NLRC5: variants seen among roughly 807,000 people sequenced by gnomAD.
NLRC5 encodes the protein NLR family CARD domain containing 5.
In NLRC5, 114 loss-of-function variants were observed where a neutral mutation model predicts 206.9. The observed-to-expected ratio is 0.55, with a 90% CI of 0.47 to 0.64. NLRC5 has a LOEUF of 0.64. NLRC5 is among the 30% of genes least tolerant of loss of function. The probability of loss-of-function intolerance (pLI) is 0.00; values close to 1 mark genes in which losing one functional copy is unlikely to be tolerated. For missense variants in NLRC5, 2,008 were observed against 2,305.5 expected (o/e 0.87, Z 2.64); for synonymous variants, 952 against 962.8 (o/e 0.99, Z 0.21).
At chr16:57,000,565 C>T (rs564911191) in intron 1 of NLRC5, among the ~76,000 whole-genome samples, 21 of 152,218 alleles carry the variant, frequency 1.4e-4, no homozygotes, top group African/African-American at 4.8e-4. Context: ...CAACTCCTGG[C>T]TCCTCGACTC....
Position 57,045,458 on chromosome 16 carries a change from C to T in NLRC5, c.3214C>T (p.Gln1072Ter). The change falls in exon 21 of 49, where the codon CAA becomes TAA. Residue 1072 changes from glutamine to a stop codon, truncating the protein, a stop_gained. Transcript: ENST00000688547. LOFTEE classifies it high-confidence loss of function. ...LFRLDISFESQHILLRGDKTS... is the reference protein window; with the variant it reads ...LFRLDISFES ...CCTCTCTGCTTCCAGCTTTGAAAGCCAACACATCCTCCTGAGAGGGGACAA... is the reference window on the plus strand; with the variant it reads ...CCTCTCTGCTTCCAGCTTTGAAAGCTAACACATCCTCCTGAGAGGGGACAA... 6.2e-7 allele frequency: 1 copy of T among 1,614,116 alleles called. No individual in the cohort carries two copies. Among genetic ancestry groups the T allele is most frequent in the Non-Finnish European group, 8.5e-7 (1 of 1,180,018 alleles).
Position 57,026,724 on chromosome 16 carries a change from C to T in NLRC5, c.1781C>T (p.Ala594Val). 6.2e-7 allele frequency: 1 copy of T among 1,614,050 alleles called. No homozygotes were observed. The highest frequency in any genetic ancestry group is 8.5e-7 in the Non-Finnish European group (1 of 1,179,916). The change falls in exon 6 of 49, where the codon GCT (alanine) becomes GTT (valine). Residue 594 changes from alanine to valine, a missense_variant. Coordinates refer to ENST00000688547, the MANE Select transcript of NLRC5 (RefSeq NM_001384950.1). Reference sequence around the variant, plus strand: ...GACTGTGTGGGTGCCAAGCAGGCTGCTGTAGTGCAGGTGTTGAAGAAGTTG... The same window carrying T: ...GACTGTGTGGGTGCCAAGCAGGCTGTTGTAGTGCAGGTGTTGAAGAAGTTG... Reference protein sequence around the residue: ...NEDCVGAKQAAVVQVLKKLAT... With the variant: ...NEDCVGAKQAVVVQVLKKLAT...
Position 57,061,357 on chromosome 16 carries a change from C to G in NLRC5, c.3987-91C>G, listed in dbSNP as rs535733810. 407 of 1,289,298 alleles carry G rather than the reference C, an allele frequency of 3.2e-4. 1 individual carries two copies. Among genetic ancestry groups the G allele is most frequent in the Non-Finnish European group, 3.6e-5 (33 of 919,802 alleles). 79.9% of individuals were successfully genotyped at this position (1,289,298 alleles called of 1,614,324 possible). On this transcript the variant is annotated intron_variant, in intron 30 of 48. Transcript: ENST00000688547. ...CCTTTGCCCTCAGAGGTGGGATGCT[C>G]CCCCAATAGGCCCTCAGGGAGGCTG...
chr16:56,992,976 C>T (rs1262725898), intron 1 of NLRC5, among the ~76,000 whole-genome samples: 1 of 150,860 alleles, frequency 6.6e-6, no homozygotes, highest in African/African-American at 2.4e-5. Context: ...AAATAAGTCT[C>T]CTTCCATCTC....
intron 1 of NLRC5, chr16:57,013,185 G>A (rs553624898): frequency 2.8e-5 from 11 of 394,200 alleles, no homozygotes; most frequent in South Asian, 2.7e-4. Context: ...CAAAGGGATT[G>A]ACTTCTAACT....
chr16:57,056,670 T>C (rs72775169), intron 27 of NLRC5, among the ~76,000 whole-genome samples: 13,896 of 151,626 alleles, frequency 0.092, 822 homozygotes, highest in African/African-American at 0.16. Context: ...CTTTCTTTCT[T>C]TTTTTTTAGA....
chr16:57,051,560 G>T lies in NLRC5; in HGVS notation c.3445G>T (p.Asp1149Tyr). 1 of 1,613,906 alleles carries T rather than the reference G, an allele frequency of 6.2e-7. No homozygotes were observed. The highest frequency in any genetic ancestry group is 1.1e-5 in the South Asian group (1 of 91,070). Residue 1149 changes from aspartate to tyrosine, a missense_variant, in exon 24 of 49, where the codon GAC becomes TAC. Transcript: ENST00000688547. ...CAGATTGTCCTGTGAGTTCCTGAGT[G>T]ACCAGAGCCTGGAGACTCTACTGGA... ...ELQLSCEFLS[D>Y]QSLETLLDCL...
In NLRC5 at chr16:57,081,193, C is replaced by CG. The variant is rs372544928; in HGVS notation, c.5405+17dup. 5.2e-6 allele frequency: 8 copies of CG among 1,538,614 alleles called. No homozygotes were observed. The African/African-American group carries it at 9.6e-5, about 18-fold the overall frequency. ...CTGAAGAGAGTGGAGTATGAGGGGC[C>CG]GGGGGAGGAATGGGACGGGCTAAAG... On this transcript the variant is annotated intron_variant, in intron 47 of 48. Coordinates refer to ENST00000688547, the MANE Select transcript of NLRC5 (RefSeq NM_001384950.1).
intron 1 of NLRC5, among the ~76,000 whole-genome samples, chr16:57,002,809 T>C (rs1310507884): frequency 1.3e-5 from 2 of 152,056 alleles, no homozygotes; most frequent in Non-Finnish European, 2.9e-5. Context: ...TACGCCCAGC[T>C]AATTTTTGTA....
chr16:57,066,884 C>T (rs1470880334), intron 34 of NLRC5, among the ~76,000 whole-genome samples: 2 of 152,210 alleles, frequency 1.3e-5, no homozygotes, highest in Non-Finnish European at 2.9e-5. Flanking sequence ...GCTCTCTGCC[C>T]AGAATGTTCT....
At chr16:57,032,803 C>T (rs1264154884) in intron 11 of NLRC5, among the ~76,000 whole-genome samples, 1 of 144,560 alleles carries the variant, frequency 6.9e-6, no homozygotes, top group Non-Finnish European at 1.5e-5. Context: ...CAAGACCAGC[C>T]TGGGCAACAA....
intron 1 of NLRC5, among the ~76,000 whole-genome samples, chr16:56,997,054 T>G (rs2057700534): frequency 6.6e-6 from 1 of 152,158 alleles, no homozygotes; most frequent in Non-Finnish European, 1.5e-5. Flanking sequence ...GCATTTTTTG[T>G]AAAGACAGAT....
intron 10 of NLRC5, 53 bp downstream of exon 10, chr16:57,030,137 G>A: frequency 3.4e-6 from 5 of 1,456,172 alleles, no homozygotes; most frequent in Non-Finnish European, 4.8e-6. Context: ...AAAGAGGAGG[G>A]GAAAGTGGGA....
rs1353208106 is a variant in NLRC5 at position 57,025,922 on chromosome 16, C to G, written c.979C>G (p.Leu327Val). The G allele has an allele frequency of 6.2e-7, 1 of 1,614,076 alleles. No individual in the cohort carries two copies. The highest frequency in any genetic ancestry group is 8.5e-7 in the Non-Finnish European group (1 of 1,180,046). The change falls in exon 6 of 49, where the codon CTT (leucine) becomes GTT (valine). Residue 327 changes from leucine (L) to valine (V), a missense_variant. By Grantham distance (32) the Leu-to-Val change is conservative. Coordinates refer to ENST00000688547, the MANE Select transcript of NLRC5 (RefSeq NM_001384950.1). ...GPDGPGPVLTLFSHLCNGTLL... is the reference protein window; with the variant it reads ...GPDGPGPVLTVFSHLCNGTLL... ...TGATGGCCCAGGCCCAGTCCTCACC[C>G]TTTTCTCCCATCTCTGCAATGGGAC...
At chr16:57,058,747 G>A (rs894785983) in intron 28 of NLRC5, among the ~76,000 whole-genome samples, 3 of 152,196 alleles carry the variant, frequency 2.0e-5, no homozygotes, top group Admixed American at 6.5e-5. Flanking sequence ...CAGGGGCAGC[G>A]GGCAGGGTGA....
intron 1 of NLRC5, among the ~76,000 whole-genome samples, chr16:57,003,121 G>A (rs556124131): frequency 6.2e-4 from 95 of 152,156 alleles, no homozygotes; most frequent in Non-Finnish European, 7.2e-4. Context: ...GTGCAGTGGC[G>A]TGATCTCAGC....
intron 1 of NLRC5, among the ~76,000 whole-genome samples, chr16:57,003,538 G>A (rs990007106): frequency 8.6e-5 from 13 of 151,886 alleles, no homozygotes; most frequent in African/African-American, 2.4e-4. Context: ...TTCCGGGGTC[G>A]CCTTTGCCTG....
intron 27 of NLRC5, among the ~76,000 whole-genome samples, chr16:57,056,261 G>A (rs1163469552): frequency 2.0e-5 from 3 of 152,296 alleles, no homozygotes; most frequent in Admixed American, 6.5e-5. Context: ...TGATGTGGCA[G>A]AGAAGAAAAA....
chr16:57,041,156 C>T (rs1237392925), intron 17 of NLRC5, among the ~76,000 whole-genome samples: 1 of 152,194 alleles, frequency 6.6e-6, no homozygotes, highest in African/African-American at 2.4e-5. Context: ...TTTCTTCCCT[C>T]TCTCATCGTG....
Sources: gnomAD v4.1 joint callset for allele counts (sites outside exome capture counted in the v4.1 genomes callset) on GRCh38, gnomAD v4.1.1 for gene constraint, MANE v1.5 for transcripts, NCBI Gene and HGNC (gene_info 2026-07-23, HGNC 2026-07-21) for gene names.